CACNA1C: variants seen among roughly 807,000 people sequenced by gnomAD.
The protein encoded by CACNA1C is voltage-dependent L-type calcium channel subunit alpha-1C.
In CACNA1C, 30 loss-of-function variants were observed where a neutral mutation model predicts 229.0. That is an observed-to-expected ratio of 0.13 (90% CI 0.10 to 0.18). The LOEUF (loss-of-function observed/expected upper bound fraction) is 0.18, where lower values mean the gene tolerates loss of function less well. Ranked by LOEUF, CACNA1C falls within the 10% of genes least tolerant of loss-of-function variation. CACNA1C has a pLI of 1.00. For missense variants in CACNA1C, 1,658 were observed against 2,845.0 expected (o/e 0.58, Z 9.49); for synonymous variants, 1,114 against 1,132.5 (o/e 0.98, Z 0.33).
intron 34 of CACNA1C, among the ~76,000 whole-genome samples, chr12:2,661,770 T>C (rs1323248267): frequency 6.6e-6 from 1 of 152,146 alleles, no homozygotes; most frequent in Non-Finnish European, 1.5e-5. Context: ...AGAAAATCCA[T>C]GCAAATTAAC....
At chr12:2,523,878 AC>A (rs1249717685) in intron 9 of CACNA1C, among the ~76,000 whole-genome samples, 1 of 152,120 alleles carries the variant, frequency 6.6e-6, no homozygotes, top group African/African-American at 2.4e-5. Context: ...CACTACAGTT[AC>A]CCTTGCCTCC....
intron 7 of CACNA1C, among the ~76,000 whole-genome samples, chr12:2,501,228 A>AAAAAAAAAAAAAAAC (rs2099759344): frequency 6.6e-6 from 1 of 150,834 alleles, no homozygotes; most frequent in African/African-American, 2.4e-5. Flanking sequence ...AAAAAAAAAA[A>AAAAAAAAAAAAAAAC]AAAAAAGTAA....
At chr12:2,446,518 G>A (rs2099286380) in intron 3 of CACNA1C, among the ~76,000 whole-genome samples, 1 of 150,134 alleles carries the variant, frequency 6.7e-6, no homozygotes, top group Non-Finnish European at 1.5e-5. Context: ...ATGGATGGAT[G>A]GACAGGTAGG....
intron 3 of CACNA1C, among the ~76,000 whole-genome samples, chr12:2,130,025 C>G (rs2091745394): frequency 6.6e-6 from 1 of 151,890 alleles, no homozygotes; most frequent in Non-Finnish European, 1.5e-5. Context: ...CCATTTTTCC[C>G]CTTTATTCTC....
chr12:2,474,193 G>A (rs1323002693), intron 5 of CACNA1C, among the ~76,000 whole-genome samples: 4 of 152,120 alleles, frequency 2.6e-5, no homozygotes, highest in Non-Finnish European at 5.9e-5. Flanking sequence ...ATTTCTAAAG[G>A]AAGGAGTGAG....
chr12:1,973,604 G>C (rs2033255032), intron 1 of CACNA1C, among the ~76,000 whole-genome samples: 1 of 151,912 alleles, frequency 6.6e-6, no homozygotes, highest in Non-Finnish European at 1.5e-5. Flanking sequence ...TCCTAAACTG[G>C]GAACCTTGAG....
intron 3 of CACNA1C, among the ~76,000 whole-genome samples, chr12:2,224,289 TCTC>T (rs1312902755): frequency 6.6e-6 from 1 of 152,246 alleles, no homozygotes; most frequent in Non-Finnish European, 1.5e-5. Flanking sequence ...TGATTTCTGG[TCTC>T]CTCTCCACCG....
chr12:2,411,722 T>A (rs947602099), intron 3 of CACNA1C, among the ~76,000 whole-genome samples: 3 of 152,196 alleles, frequency 2.0e-5, no homozygotes, highest in Non-Finnish European at 4.4e-5. Flanking sequence ...TTTCAGATCC[T>A]CAGGTGTGTG....
chr12:2,443,489 C>T (rs2099248675), intron 3 of CACNA1C, among the ~76,000 whole-genome samples: 1 of 152,074 alleles, frequency 6.6e-6, no homozygotes, highest in Non-Finnish European at 1.5e-5. Flanking sequence ...GTTCGTACCT[C>T]CTCTACACTA....
chr12:2,221,630 G>C (rs2061490213), intron 3 of CACNA1C: 1 of 152,222 alleles, frequency 6.6e-6, no homozygotes, highest in Non-Finnish European at 1.5e-5. Flanking sequence ...AGGGTCATTT[G>C]ACAAAATGTT....
At chr12:1,983,454 T>C (rs146652759) in intron 1 of CACNA1C, among the ~76,000 whole-genome samples, 7 of 152,172 alleles carry the variant, frequency 4.6e-5, no homozygotes, top group African/African-American at 1.2e-4. Context: ...AGTTCAAATG[T>C]TCTCTAATTT....
Position 2,585,010 on chromosome 12 carries a change from C to T in CACNA1C, c.2340-366C>T, listed in dbSNP as rs981742026. ...CAGTGTTAGGAAGGCAAGACGGGGC[C>T]CTATGTTGTATCCTATCATTATCTA... On this transcript the variant is annotated intron_variant, in intron 16 of 46. Transcript: ENST00000399655. This position sits in a 1 kb window ranked among gnomAD's most constrained non-coding sequence, Gnocchi z 4.1. 1.3e-5 allele frequency among the ~76,000 whole-genome samples: 2 copies of T among 151,996 alleles called. No individual in the cohort carries two copies. Among genetic ancestry groups the T allele is most frequent in the African/African-American group, 4.8e-5 (2 of 41,302 alleles).
At chr12:2,320,164 A>G (rs913299671) in intron 3 of CACNA1C, among the ~76,000 whole-genome samples, 1 of 152,166 alleles carries the variant, frequency 6.6e-6, no homozygotes, top group African/African-American at 2.4e-5. Context: ...CAAATTGAGC[A>G]TTAGATTGGG....
intron 1 of CACNA1C, among the ~76,000 whole-genome samples, chr12:2,079,041 A>G (rs2064363695): frequency 6.7e-6 from 1 of 149,210 alleles, no homozygotes. Context: ...AAAAAACCAA[A>G]CGCCACATGT....
rs2075107014 is a variant in CACNA1C, at chr12:2,605,915, C to T, written c.3156+129C>T. ...AGACTTGGCTTGGATATAACCTCCACCTGCAGCCCGACTCAACCTTCAGAC... is the reference window on the plus strand; with the variant it reads ...AGACTTGGCTTGGATATAACCTCCATCTGCAGCCCGACTCAACCTTCAGAC... On this transcript the variant is annotated intron_variant, in intron 24 of 46. Coordinates refer to ENST00000399655, the MANE Select transcript of CACNA1C (RefSeq NM_000719.7). The surrounding 1 kb of genome is among the most constrained non-coding windows in gnomAD (Gnocchi z 6.2). 1 of 669,592 alleles carries T rather than the reference C, an allele frequency of 1.5e-6. No individual in the cohort carries two copies. Among genetic ancestry groups the T allele is most frequent in the Non-Finnish European group, 2.7e-6 (1 of 372,508 alleles). 41.5% of individuals were successfully genotyped at this position (669,592 alleles called of 1,614,324 possible).
At chr12:2,006,530 C>T (rs1012989255) in intron 1 of CACNA1C, among the ~76,000 whole-genome samples, 1 of 152,210 alleles carries the variant, frequency 6.6e-6, no homozygotes, top group Non-Finnish European at 1.5e-5. Flanking sequence ...ATTAGAACAA[C>T]TGTGCAGACA....
chr12:2,385,341 G>C (rs537122790), intron 3 of CACNA1C, among the ~76,000 whole-genome samples: 2 of 151,400 alleles, frequency 1.3e-5, no homozygotes, highest in Non-Finnish European at 2.9e-5. Context: ...TCCCTCTCCC[G>C]GCAACGGAAC....
chr12:2,067,385 A>C lies in CACNA1C; in HGVS notation c.49+13774A>C, dbSNP rs2059653569. On this transcript the variant is annotated intron_variant, in intron 1 of 46. Transcript: ENST00000399655. This position sits in a 1 kb window ranked among gnomAD's most constrained non-coding sequence, Gnocchi z 5.3. ...AGCATAACAGGAAGAAGATGACAAA[A>C]GCCTGGGTGGTGGAGATGGTGGCAG... Among the ~76,000 whole-genome samples the C allele has an allele frequency of 1.3e-5, 2 of 151,504 alleles. No individual in the cohort carries two copies. Among genetic ancestry groups the C allele is most frequent in the African/African-American group, 4.8e-5 (2 of 41,278 alleles).
At chr12:2,300,950 C>T (rs1166393460) in intron 3 of CACNA1C, among the ~76,000 whole-genome samples, 1 of 152,208 alleles carries the variant, frequency 6.6e-6, no homozygotes, top group East Asian at 1.9e-4. Flanking sequence ...CGAGCAGCTG[C>T]CCTACCTGGA....
Sources: allele counts gnomAD v4.1 joint callset (sites outside exome capture counted in the v4.1 genomes callset), GRCh38; gene constraint gnomAD v4.1.1; non-coding constraint Gnocchi (gnomAD v3.1); transcripts MANE v1.5; gene names NCBI Gene and HGNC (gene_info 2026-07-23, HGNC 2026-07-21).